Variants in DSG2 observed in about 807,000 individuals in gnomAD.
The protein encoded by DSG2 is desmoglein 2, also known as desmoglein-2.
A neutral mutation model predicts 75.6 loss-of-function variants in DSG2; 45 were observed. The ratio of observed to expected loss-of-function variants is 0.60; its 90% confidence interval spans 0.47 to 0.76. The LOEUF is 0.76. Ranked by LOEUF, DSG2 falls within the 30% of genes least tolerant of loss-of-function variation. The pLI is 0.00. For synonymous variants in DSG2, 429 were observed against 483.9 expected, an observed-to-expected ratio of 0.89 and a Z score of 1.49; for missense variants, 1,267 against 1,357.4, an observed-to-expected ratio of 0.93 and a Z score of 1.05.
chr18:31,526,536 A>T (rs1323399839), intron 8 of DSG2, among the ~76,000 whole-genome samples: 1 of 152,218 alleles, frequency 6.6e-6, no homozygotes, highest in Non-Finnish European at 1.5e-5. Context: ...GAAGAAATGG[A>T]TCATGTCATT....
At chr18:31,513,142 G>A (rs1483317674) in intron 1 of DSG2, among the ~76,000 whole-genome samples, 1 of 152,182 alleles carries the variant, frequency 6.6e-6, no homozygotes, top group African/African-American at 2.4e-5. Flanking sequence ...ACTAAAACTA[G>A]GTTAAAGAAA....
chr18:31,526,674 T>C (rs1941933), intron 8 of DSG2, among the ~76,000 whole-genome samples: 8 of 152,156 alleles, frequency 5.3e-5, no homozygotes, highest in African/African-American at 1.9e-4. Flanking sequence ...CAGATATTGA[T>C]GAATGACAGA....
intron 12 of DSG2, among the ~76,000 whole-genome samples, chr18:31,539,459 G>A (rs1191082854): frequency 6.6e-6 from 1 of 152,102 alleles, no homozygotes; most frequent in Admixed American, 6.6e-5. Context: ...GATATTCCCC[G>A]CTTGCCTTGT....
chr18:31,542,740 C>T lies in DSG2; in HGVS notation c.2222C>T (p.Thr741Ile). ...ACAGGGGCCACAGGCGCTATCATGA[C>T]CACTGAAACCACGAAGACCGCAAGG... ...QFTGATGAIM[T>I]TETTKTARAT... Residue 741 changes from threonine to isoleucine, a missense_variant, in exon 14 of 15, where the codon ACC (threonine) becomes ATC (isoleucine). Physicochemically the swap from Thr to Ile is moderately conservative, Grantham distance 89 (BLOSUM62 -1). Transcript: ENST00000261590. 1 of 1,614,118 alleles carries T rather than the reference C, an allele frequency of 6.2e-7. No homozygotes were observed. Among genetic ancestry groups the T allele is most frequent in the Non-Finnish European group, 8.5e-7 (1 of 1,180,008 alleles).
At chr18:31,517,000 A>G (rs1218459971) in intron 1 of DSG2, among the ~76,000 whole-genome samples, 1 of 152,214 alleles carries the variant, frequency 6.6e-6, no homozygotes, top group Non-Finnish European at 1.5e-5. Context: ...GTTAAAATCC[A>G]AATAGCCACA....
rs770027890 is a variant in DSG2, at chr18:31,518,258, G to A, written c.65G>A (p.Ser22Asn). The change falls in exon 2 of 15, where the codon AGT becomes AAT. Residue 22 changes from serine to asparagine, a missense_variant. By Grantham distance (46) the Ser-to-Asn change is conservative. Coordinates refer to ENST00000261590, the MANE Select transcript of DSG2 (RefSeq NM_001943.5). The part of the protein sequence containing the change: ...LLLLICFNVG[S>N]GLHLQVLSTR... ...TTACAGATCTGCTTTAACGTTGGAA[G>A]TGGACTTCACTTACAGGTGAGGAAA... 1 of 1,613,534 alleles carries A rather than the reference G, an allele frequency of 6.2e-7. No homozygotes were observed. The highest frequency in any genetic ancestry group is 1.7e-5 in the Admixed American group (1 of 60,012).
At chr18:31,544,473 A>G (rs2073291155) in intron 14 of DSG2, among the ~76,000 whole-genome samples, 1 of 152,162 alleles carries the variant, frequency 6.6e-6, no homozygotes, top group East Asian at 1.9e-4. Flanking sequence ...ATATTAGAAG[A>G]TGGTTCTCAA....
intron 8 of DSG2, among the ~76,000 whole-genome samples, chr18:31,527,283 G>A (rs1204112217): frequency 6.6e-6 from 1 of 152,208 alleles, no homozygotes; most frequent in African/African-American, 2.4e-5. Context: ...TAGTGTAGGT[G>A]TATAGTAGGC....
At chr18:31,514,810 A>G (rs1279988373) in intron 1 of DSG2, among the ~76,000 whole-genome samples, 2 of 152,264 alleles carry the variant, frequency 1.3e-5, no homozygotes, top group African/African-American at 4.8e-5. Flanking sequence ...AATCACATCT[A>G]GAAAGTAAAT....
At position 31,504,878 on chromosome 18, in the gene DSG2, C is replaced by T. The variant is rs536520413; in HGVS notation, c.45+6582C>T. On this transcript the variant is annotated intron_variant, in intron 1 of 14. Coordinates refer to ENST00000261590, the MANE Select transcript of DSG2 (RefSeq NM_001943.5). ...CACCCTCTGACTCCTTCCCTATTAT[C>T]CCCACACAGGGCATTGCCAAGGATT... Among the ~76,000 whole-genome samples the T allele has an allele frequency of 2.0e-5, 3 of 152,326 alleles. No homozygotes were observed. In the East Asian group the frequency reaches 5.8e-4, roughly 29 times the overall value.
chr18:31,531,533 A>G (rs533264757), intron 9 of DSG2, among the ~76,000 whole-genome samples: 6 of 152,366 alleles, frequency 3.9e-5, no homozygotes, highest in South Asian at 2.1e-4. Flanking sequence ...CAACAAAGGA[A>G]AAGTTCAGGA....
intron 3 of DSG2, among the ~76,000 whole-genome samples, chr18:31,520,276 G>T (rs145635469): frequency 8.0e-4 from 122 of 152,274 alleles, no homozygotes; most frequent in African/African-American, 2.6e-3. Context: ...AGATGAACTG[G>T]TGTCTATTAC....
chr18:31,521,962 GTA>G (rs1297069662), intron 5 of DSG2, 119 bp from the exon 6 acceptor site: 1 of 833,782 alleles, frequency 1.2e-6, no homozygotes, highest in African/African-American at 1.7e-5. Context: ...GTGGTCAACT[GTA>G]TGTGATTTTG....
At chr18:31,505,646 A>AT (rs1217632730) in intron 1 of DSG2, among the ~76,000 whole-genome samples, 6 of 145,896 alleles carry the variant, frequency 4.1e-5, no homozygotes, top group Admixed American at 2.0e-4. Context: ...TTAAGTAGTA[A>AT]TTTTTTTTTC....
intron 1 of DSG2, among the ~76,000 whole-genome samples, chr18:31,507,283 TTCCATG>T (rs1160685331): frequency 6.6e-6 from 1 of 152,244 alleles, no homozygotes; most frequent in Non-Finnish European, 1.5e-5. Context: ...CTGCATAGTA[TTCCATG>T]GTGTATATGT....
chr18:31,499,684 C>T (rs1325574650), intron 1 of DSG2, among the ~76,000 whole-genome samples: 3 of 152,190 alleles, frequency 2.0e-5, no homozygotes, highest in East Asian at 1.9e-4. Context: ...TAATGTAACA[C>T]CTAGCTTACT....
At position 31,546,433 on chromosome 18, in the gene DSG2, T is replaced by A; in HGVS notation, c.3047T>A (p.Val1016Glu). ...QHLQDVPYVM[V>E]RERESFLAPS... ...CTTCAAGATGTACCTTACGTCATGG[T>A]GAGGGAAAGAGAGAGCTTCCTTGCC... Residue 1016 changes from valine (V) to glutamate (E), a missense_variant, in exon 15 of 15, where the codon GTG (valine) becomes GAG (glutamate). Transcript: ENST00000261590. 1 of 1,614,170 alleles carries A rather than the reference T, an allele frequency of 6.2e-7. No homozygotes were observed. Among genetic ancestry groups the A allele is most frequent in the Non-Finnish European group, 8.5e-7 (1 of 1,180,008 alleles).
chr18:31,532,430 G>A (rs1378579473), intron 9 of DSG2, among the ~76,000 whole-genome samples: 1 of 151,964 alleles, frequency 6.6e-6, no homozygotes, highest in African/African-American at 2.4e-5. Context: ...AATTTCCGAG[G>A]GTTACAAACA....
intron 12 of DSG2, among the ~76,000 whole-genome samples, chr18:31,540,456 A>T (rs2073259638): frequency 6.6e-6 from 1 of 152,212 alleles, no homozygotes; most frequent in African/African-American, 2.4e-5. Context: ...CTGCTTTCTC[A>T]TCTCAGATTC....
Sources: gnomAD v4.1 joint callset for allele counts (sites outside exome capture counted in the v4.1 genomes callset) on GRCh38, gnomAD v4.1.1 for gene constraint, MANE v1.5 for transcripts, NCBI Gene and HGNC (gene_info 2026-07-23, HGNC 2026-07-21) for gene names.